CCDC127: variants seen among roughly 807,000 people sequenced by gnomAD.
CCDC127 encodes coiled-coil domain-containing protein 127.
A neutral mutation model predicts 4.1 loss-of-function variants in CCDC127; 2 were observed. That is an observed-to-expected ratio of 0.49 (90% CI 0.20 to 1.53). CCDC127 has a LOEUF of 1.53. Ranked by LOEUF, CCDC127 falls within the 40% of genes most tolerant of loss-of-function variation. The pLI is 0.23. For missense variants in CCDC127, 271 were observed against 322.9 expected, an observed-to-expected ratio of 0.84 and a Z score of 1.23; for synonymous variants, 98 against 120.4, an observed-to-expected ratio of 0.81 and a Z score of 1.22.
In CCDC127 at chr5:204,558, T is replaced by C. The variant is rs548793872; in HGVS notation, c.*739A>G. The C allele has an allele frequency of 2.0e-5, 3 of 152,376 alleles. No individual in the cohort carries two copies. Among genetic ancestry groups the C allele is most frequent in the African/African-American group, 7.2e-5 (3 of 41,582 alleles). 9.4% of individuals were successfully genotyped at this position (152,376 alleles called of 1,614,324 possible). On this transcript the variant is annotated 3_prime_UTR_variant, in exon 3 of 3. Coordinates refer to ENST00000296824, the MANE Select transcript of CCDC127 (RefSeq NM_145265.3). ...GGCAAGTATTTTGAGTATATATCAT[T>C]GCTAATAAGTATCTGCTTGCTGAAT...
rs1734053801 is a variant in CCDC127, at chr5:200,436, G to C, written c.*4861C>G. On this transcript the variant is annotated 3_prime_UTR_variant, in exon 3 of 3. Coordinates refer to ENST00000296824, the MANE Select transcript of CCDC127 (RefSeq NM_145265.3). ...GCCGCCCGCTGGAGCAGGCCAGGCA[G>C]GGGGCAGGCTCAGGAGCTGTGGGAA... is the stretch of plus-strand genomic sequence containing the variant. 6.6e-6 allele frequency: 1 copy of C among 152,410 alleles called. No individual in the cohort carries two copies. Among genetic ancestry groups the C allele is most frequent in the Non-Finnish European group, 1.5e-5 (1 of 68,166 alleles). 9.4% of individuals were successfully genotyped at this position (152,410 alleles called of 1,614,324 possible).
chr5:207,199 T>G (rs1167156543), intron 2 of CCDC127, among the ~76,000 whole-genome samples: 4 of 152,222 alleles, frequency 2.6e-5, no homozygotes, highest in African/African-American at 9.6e-5. Flanking sequence ...TCCATTAGCC[T>G]GAAAGCCAGT....
chr5:207,733 G>A (rs951209196), intron 2 of CCDC127, among the ~76,000 whole-genome samples: 1 of 152,062 alleles, frequency 6.6e-6, no homozygotes, highest in Non-Finnish European at 1.5e-5. Flanking sequence ...CTGCAGCCAC[G>A]AGGAGTCAAA....
chr5:210,248 C>T lies in CCDC127; in HGVS notation c.122-4290G>A, dbSNP rs201674252. ...TCTAGAGCTAGGCAGAATTCTTAGA[C>T]TTTCCACAAAAAGCATGGTTCATAA... On this transcript the variant is annotated intron_variant, in intron 2 of 2. Transcript: ENST00000296824. Among the ~76,000 whole-genome samples the T allele has an allele frequency of 3.9e-5, 6 of 152,304 alleles. No homozygotes were observed. The East Asian group carries it at 1.2e-3, about 29-fold the overall frequency.
At position 201,394 on chromosome 5, in the gene CCDC127, C is replaced by T. The variant is rs1734073096; in HGVS notation, c.*3903G>A. On this transcript the variant is annotated 3_prime_UTR_variant, in exon 3 of 3. Transcript: ENST00000296824. ...AATCCAACACAGAAATAGTCCGTTA[C>T]ACATTTTAATTAGACATAACTTCTC... The T allele has an allele frequency of 6.6e-6, 1 of 152,208 alleles. No individual in the cohort carries two copies. The highest frequency in any genetic ancestry group is 2.4e-5 in the African/African-American group (1 of 41,448). 9.4% of individuals were successfully genotyped at this position (152,208 alleles called of 1,614,324 possible). A position where few individuals can be genotyped will look rare whatever the true frequency, so the allele number is the denominator to read the frequency against.
rs563892669 is a variant in CCDC127 at position 212,419 on chromosome 5, G to A, written c.121+4310C>T. Reference sequence around the variant, plus strand: ...GACAGCACCACACACCCATCATGATGGGGCAGACTGGACAGCAATGTGAGC... The same window carrying A: ...GACAGCACCACACACCCATCATGATAGGGCAGACTGGACAGCAATGTGAGC... On this transcript the variant is annotated intron_variant, in intron 2 of 2. Transcript: ENST00000296824. Among the ~76,000 whole-genome samples, 4 of 37,482 alleles carry A rather than the reference G, an allele frequency of 1.1e-4. 1 individual carries two copies. Among genetic ancestry groups the A allele is most frequent in the African/African-American group, 5.5e-4 (4 of 7,210 alleles). The allele number at this position is 37,482 out of a possible 152,430, so 24.6% of individuals were successfully genotyped here. A position where few individuals can be genotyped will look rare whatever the true frequency, so the allele number is the denominator to read the frequency against.
At chr5:217,720 T>C (rs1412614873) in intron 1 of CCDC127, among the ~76,000 whole-genome samples, 3 of 152,060 alleles carry the variant, frequency 2.0e-5, no homozygotes, top group Non-Finnish European at 2.9e-5. Context: ...CAGAGTTCTC[T>C]GCTTCGGGCT....
At chr5:215,602 T>C (rs1463254943) in intron 2 of CCDC127, 3 of 152,012 alleles carry the variant, frequency 2.0e-5, no homozygotes, top group Non-Finnish European at 2.9e-5. Context: ...CCCCTTAGGA[T>C]TGGATGTGGA....
At position 197,043 on chromosome 5, in the gene CCDC127, A is replaced by C. The variant is rs1188390787; in HGVS notation, c.*8254T>G. ...AGGAGGTCAGCAAAAACGTGTGAGC[A>C]AAAGAATCTATGTCGTAATTAAGTT... On this transcript the variant is annotated 3_prime_UTR_variant, in exon 3 of 3. Coordinates refer to ENST00000296824, the MANE Select transcript of CCDC127 (RefSeq NM_145265.3). 1 of 151,660 alleles carries C rather than the reference A, an allele frequency of 6.6e-6. No individual in the cohort carries two copies. Among genetic ancestry groups the C allele is most frequent in the Non-Finnish European group, 1.5e-5 (1 of 67,978 alleles). 9.4% of individuals were successfully genotyped at this position (151,660 alleles called of 1,614,324 possible).
chr5:198,888 G>C lies in CCDC127; in HGVS notation c.*6409C>G, dbSNP rs73730748. 1 of 152,294 alleles carries C rather than the reference G, an allele frequency of 6.6e-6. No individual in the cohort carries two copies. The highest frequency in any genetic ancestry group is 1.9e-4 in the East Asian group (1 of 5,200). 9.4% of individuals were successfully genotyped at this position (152,294 alleles called of 1,614,324 possible). A position where few individuals can be genotyped will look rare whatever the true frequency, so the allele number is the denominator to read the frequency against. The stretch of plus-strand genomic sequence containing the variant: ...ACGGCCTCCCACACAAGACAAGCTA[G>C]TGGGAATCAGGCAAAACCATTCAGC... On this transcript the variant is annotated 3_prime_UTR_variant, in exon 3 of 3. Transcript: ENST00000296824.
Position 200,571 on chromosome 5 carries a change from T to C in CCDC127, c.*4726A>G, listed in dbSNP as rs959633067. 2 of 152,256 alleles carry C rather than the reference T, an allele frequency of 1.3e-5. No individual in the cohort carries two copies. The highest frequency in any genetic ancestry group is 4.8e-5 in the African/African-American group (2 of 41,450). 9.4% of individuals were successfully genotyped at this position (152,256 alleles called of 1,614,324 possible). A position where few individuals can be genotyped will look rare whatever the true frequency, so the allele number is the denominator to read the frequency against. On this transcript the variant is annotated 3_prime_UTR_variant, in exon 3 of 3. Coordinates refer to ENST00000296824, the MANE Select transcript of CCDC127 (RefSeq NM_145265.3). The stretch of plus-strand genomic sequence containing the variant: ...TCCGAGGCCCCTGAGAGTCCCTTAT[T>C]TGTCTTTCTGGTTCTTCTCTGACAT...
chr5:209,975 A>G (rs975919395), intron 2 of CCDC127, among the ~76,000 whole-genome samples: 4 of 152,188 alleles, frequency 2.6e-5, no homozygotes, highest in African/African-American at 9.7e-5. Context: ...TCTACGGAAA[A>G]CCTGCAGCTG....
chr5:210,831 G>C (rs1372722075), intron 2 of CCDC127, among the ~76,000 whole-genome samples: 1 of 108,912 alleles, frequency 9.2e-6, no homozygotes, highest in African/African-American at 4.2e-5. Context: ...CGGGACAGCA[G>C]TGTGAGCACA....
intron 1 of CCDC127, 123 bp downstream of exon 1, chr5:217,970 T>C: frequency 2.0e-6 from 1 of 490,346 alleles, no homozygotes; most frequent in Non-Finnish European, 2.8e-6. Flanking sequence ...AGCGCCCCCC[T>C]CCGACCCCAT....
chr5:210,872 G>A lies in CCDC127; in HGVS notation c.122-4914C>T, dbSNP rs531184349. ...GCTCGACATCGCACACTGCAGCCAC[G>A]ACGAGACAGCACCACACACCCATCA... On this transcript the variant is annotated intron_variant, in intron 2 of 2. Transcript: ENST00000296824. 5.6e-3 allele frequency among the ~76,000 whole-genome samples: 530 copies of A among 95,306 alleles called. 1 individual carries two copies. Among genetic ancestry groups the A allele is most frequent in the African/African-American group, 0.03 (500 of 16,714 alleles). The allele number at this position is 95,306 out of a possible 152,430, so 62.5% of individuals were successfully genotyped here. A position where few individuals can be genotyped will look rare whatever the true frequency, so the allele number is the denominator to read the frequency against.
Position 205,300 on chromosome 5 carries a change from C to CT in CCDC127, c.779dup (p.Ter261ValfsTer5). 3 of 1,600,996 alleles carry CT rather than the reference C, an allele frequency of 1.9e-6. No individual in the cohort carries two copies. Among genetic ancestry groups the CT allele is most frequent in the Non-Finnish European group, 2.6e-6 (3 of 1,171,074 alleles). On this transcript the variant is annotated frameshift_variant, in exon 3 of 3. Coordinates refer to ENST00000296824, the MANE Select transcript of CCDC127 (RefSeq NM_145265.3). LOFTEE classifies it high-confidence loss of function. ...GCAGTTTGATTTCACTCTTGTCTTA[C>CT]TTTTCTAGTATGGCTTCCTCTACTC...
intron 1 of CCDC127, among the ~76,000 whole-genome samples, chr5:217,710 C>T (rs1245172039): frequency 6.6e-6 from 1 of 151,728 alleles, no homozygotes; most frequent in African/African-American, 2.4e-5. Context: ...GCAGAGATTA[C>T]AGAGTTCTCT....
At chr5:210,245 A>C (rs903529168) in intron 2 of CCDC127, among the ~76,000 whole-genome samples, 3 of 152,266 alleles carry the variant, frequency 2.0e-5, no homozygotes, top group African/African-American at 7.2e-5. Context: ...CAGAATTCTT[A>C]GACTTTCCAC....
intron 2 of CCDC127, among the ~76,000 whole-genome samples, chr5:206,758 G>A (rs1196142829): frequency 1.3e-5 from 2 of 152,224 alleles, no homozygotes; most frequent in Non-Finnish European, 2.9e-5. Context: ...GCATGTTGGA[G>A]CAACTGCATG....
Sources: allele counts gnomAD v4.1 joint callset (sites outside exome capture counted in the v4.1 genomes callset), GRCh38; gene constraint gnomAD v4.1.1; transcripts MANE v1.5; gene names NCBI Gene and HGNC (gene_info 2026-07-23, HGNC 2026-07-21).